Variants in ELAPOR2 observed in about 807,000 individuals in gnomAD.
ELAPOR2 encodes endosome/lysosome-associated apoptosis and autophagy regulator family member 2.
Under a neutral mutation model 120.7 loss-of-function variants are expected in ELAPOR2, and 89 were observed. The observed-to-expected ratio is 0.74, with a 90% CI of 0.62 to 0.88. The LOEUF (loss-of-function observed/expected upper bound fraction) is 0.88. Among genes scored for constraint, ELAPOR2 ranks in the 40% least tolerant of loss-of-function variants. ELAPOR2 has a pLI of 0.00. For missense variants in ELAPOR2, 1,134 were observed against 1,251.6 expected (o/e 0.91, Z 1.42); for synonymous variants, 444 against 444.9 (o/e 1.00, Z 0.03).
intron 1 of ELAPOR2, among the ~76,000 whole-genome samples, chr7:86,973,132 C>A (rs1454156814): frequency 6.6e-6 from 1 of 152,092 alleles, no homozygotes; most frequent in African/African-American, 2.4e-5. Flanking sequence ...ACACCTACTA[C>A]ACTCCACAGC....
chr7:87,050,791 A>G lies in ELAPOR2; in HGVS notation c.189+8534T>C, dbSNP rs148270828. ...GATACAATGGTAGTATGGCCCAGAA[A>G]TTACAGGAGAAGTGAGAAGTTCTGA... On this transcript the variant is annotated intron_variant, in intron 1 of 21. Coordinates refer to ENST00000450689, the MANE Select transcript of ELAPOR2 (RefSeq NM_001142749.3). Among the ~76,000 whole-genome samples, 259 of 152,300 alleles carry G rather than the reference A, an allele frequency of 1.7e-3. 1 individual carries two copies. Among genetic ancestry groups the G allele is most frequent in the African/African-American group, 5.7e-3 (236 of 41,562 alleles).
chr7:86,880,488 T>C lies in ELAPOR2; in HGVS notation c.3073A>G (p.Arg1025Gly), dbSNP rs778406679. 3 of 1,610,174 alleles carry C rather than the reference T, an allele frequency of 1.9e-6. No homozygotes were observed. The highest frequency in any genetic ancestry group is 1.3e-5 in the African/African-American group (1 of 74,828). Reference protein sequence around the residue: ...HFESVQLKTSRSPNI With the variant: ...HFESVQLKTSGSPNI ...CTGTCTCTTCATATATTTGGGGATC[T>C]TGAGGTTTTCAGTTGAACAGATTCA... is the stretch of plus-strand genomic sequence containing the variant. Residue 1025 changes from arginine (R) to glycine (G), a missense_variant, in exon 22 of 22, where the codon AGA (arginine) becomes GGA (glycine). Physicochemically the swap from Arg to Gly is moderately radical, Grantham distance 125. Transcript: ENST00000450689.
intron 1 of ELAPOR2, among the ~76,000 whole-genome samples, chr7:87,057,209 C>T (rs1208311335): frequency 6.6e-6 from 1 of 152,230 alleles, no homozygotes; most frequent in Non-Finnish European, 1.5e-5. Context: ...GATACCCTTT[C>T]CCCACTCCCA....
chr7:86,933,944 A>G (rs1790449836), intron 8 of ELAPOR2, among the ~76,000 whole-genome samples: 1 of 152,046 alleles, frequency 6.6e-6, no homozygotes, highest in Admixed American at 6.6e-5. Flanking sequence ...CTGAATTTGT[A>G]TATGTGCTTG....
rs150652470 is a variant in ELAPOR2 at position 87,028,166 on chromosome 7, A to T, written c.189+31159T>A. Reference sequence around the variant, plus strand: ...CTGACTAGCAAAGCTCCTCAAAACAAGTGTCTGTTCTCACTGTGTTGCCTC... The same window carrying T: ...CTGACTAGCAAAGCTCCTCAAAACATGTGTCTGTTCTCACTGTGTTGCCTC... On this transcript the variant is annotated intron_variant, in intron 1 of 21. Coordinates refer to ENST00000450689, the MANE Select transcript of ELAPOR2 (RefSeq NM_001142749.3). Among the ~76,000 whole-genome samples, 1,381 of 152,222 alleles carry T rather than the reference A, an allele frequency of 9.1e-3. 23 individuals carry two copies. The highest frequency in any genetic ancestry group is 0.031 in the African/African-American group (1,301 of 41,540).
intron 2 of ELAPOR2, among the ~76,000 whole-genome samples, chr7:86,958,032 C>A (rs1175633296): frequency 6.6e-6 from 1 of 152,148 alleles, no homozygotes; most frequent in Non-Finnish European, 1.5e-5. Flanking sequence ...CATCACATTT[C>A]TATCAAGAGG....
chr7:86,983,528 T>C (rs957626499), intron 1 of ELAPOR2, among the ~76,000 whole-genome samples: 2 of 152,162 alleles, frequency 1.3e-5, no homozygotes, highest in African/African-American at 4.8e-5. Context: ...TGGGGGCCAA[T>C]ATTCAACATT....
At chr7:86,966,364 C>T (rs1791902026) in intron 1 of ELAPOR2, among the ~76,000 whole-genome samples, 1 of 152,102 alleles carries the variant, frequency 6.6e-6, no homozygotes, top group Non-Finnish European at 1.5e-5. Context: ...GTATCACTTT[C>T]AATATTTTTA....
chr7:87,042,938 G>A (rs1047449128), intron 1 of ELAPOR2, among the ~76,000 whole-genome samples: 8 of 152,084 alleles, frequency 5.3e-5, no homozygotes, highest in African/African-American at 9.7e-5. Flanking sequence ...TATCACCACC[G>A]ATCCCACAGA....
At chr7:86,918,673 C>T in intron 11 of ELAPOR2, 129 bp from the exon 12 acceptor site, 1 of 622,524 alleles carries the variant, frequency 1.6e-6, no homozygotes, top group South Asian at 2.0e-5. Flanking sequence ...ACTTCCCTCA[C>T]CCACAACTCC....
At chr7:86,974,081 C>T (rs547543603) in intron 1 of ELAPOR2, among the ~76,000 whole-genome samples, 5 of 151,458 alleles carry the variant, frequency 3.3e-5, no homozygotes, top group Middle Eastern at 3.4e-3. Context: ...AAAATCACAA[C>T]GGTATATGAA....
At chr7:87,029,264 C>T (rs1413400065) in intron 1 of ELAPOR2, among the ~76,000 whole-genome samples, 1 of 152,132 alleles carries the variant, frequency 6.6e-6, no homozygotes, top group Non-Finnish European at 1.5e-5. Flanking sequence ...GTTGAAAGAA[C>T]AAATGGATAC....
intron 15 of ELAPOR2, among the ~76,000 whole-genome samples, chr7:86,910,870 T>C (rs1322478861): frequency 2.6e-5 from 4 of 152,098 alleles, no homozygotes; most frequent in Admixed American, 6.6e-5. Flanking sequence ...ACCTAACCTA[T>C]AAATTTTTCT....
chr7:86,897,243 T>G (rs933958419), intron 19 of ELAPOR2, among the ~76,000 whole-genome samples: 24 of 152,152 alleles, frequency 1.6e-4, no homozygotes, highest in Admixed American at 1.6e-3. Context: ...CTTGGTTTAA[T>G]GATGTTATTC....
intron 1 of ELAPOR2, among the ~76,000 whole-genome samples, chr7:87,038,161 G>T (rs1331804103): frequency 6.6e-6 from 1 of 152,106 alleles, no homozygotes; most frequent in East Asian, 1.9e-4. Flanking sequence ...AAGAATTCTT[G>T]GTCACTTTGT....
chr7:86,906,481 T>C (rs1204997755), intron 18 of ELAPOR2, among the ~76,000 whole-genome samples: 2 of 152,086 alleles, frequency 1.3e-5, no homozygotes, highest in African/African-American at 4.8e-5. Context: ...AAGCCCAAAA[T>C]ACTGTGTTAC....
chr7:86,884,892 T>C (rs1221261882), intron 21 of ELAPOR2, among the ~76,000 whole-genome samples: 1 of 152,148 alleles, frequency 6.6e-6, no homozygotes, highest in Non-Finnish European at 1.5e-5. Flanking sequence ...GATATATTCA[T>C]AGATGACAGT....
At chr7:86,956,913 G>A (rs908742018) in intron 2 of ELAPOR2, among the ~76,000 whole-genome samples, 2 of 152,100 alleles carry the variant, frequency 1.3e-5, no homozygotes, top group African/African-American at 2.4e-5. Flanking sequence ...CTACCACTTC[G>A]ATTCTTATCA....
chr7:86,938,195 A>G lies in ELAPOR2; in HGVS notation c.1020T>C (p.Cys340=). ...TTGTGGTACAGGGAGGGCGCTCTGTACACTCACTGGATCCTTCCTCTGCAA... is the reference window on the plus strand; with the variant it reads ...TTGTGGTACAGGGAGGGCGCTCTGTGCACTCACTGGATCCTTCCTCTGCAA... The part of the protein sequence containing the change: ...SQFSEEGSSE[C]TERPPCTTKD... Residue 340 remains cysteine, a synonymous_variant, in exon 8 of 22, where the codon TGT becomes TGC. Transcript: ENST00000450689. 6.4e-7 allele frequency: 1 copy of G among 1,550,870 alleles called. No individual in the cohort carries two copies. Among genetic ancestry groups the G allele is most frequent in the South Asian group, 1.2e-5 (1 of 84,076 alleles).
Sources: allele counts gnomAD v4.1 joint callset (sites outside exome capture counted in the v4.1 genomes callset), GRCh38; gene constraint gnomAD v4.1.1; transcripts MANE v1.5; gene names NCBI Gene and HGNC (gene_info 2026-07-23, HGNC 2026-07-21).